ABHD17C: variants seen among roughly 807,000 people sequenced by gnomAD.
ABHD17C encodes abhydrolase domain containing 17C, depalmitoylase, also known as alpha/beta hydrolase domain-containing protein 17C.
Under a neutral mutation model 27.9 loss-of-function variants are expected in ABHD17C, and 11 were observed. That is an observed-to-expected ratio of 0.39 (90% confidence interval 0.25 to 0.65). The LOEUF is 0.65. ABHD17C is among the 30% of genes least tolerant of loss of function. The pLI is 0.45. For missense variants in ABHD17C, 280 were observed against 470.2 expected (o/e 0.60, Z 3.74); for synonymous variants, 233 against 209.1 (o/e 1.11, Z -0.98).
At chr15:80,703,035 A>G (rs1396708431) in intron 1 of ABHD17C, 1 of 152,120 alleles carries the variant, frequency 6.6e-6, no homozygotes, top group Non-Finnish European at 1.5e-5. Context: ...TTCTTTCCCA[A>G]TTTCTGGAGG....
rs555848403 is a variant in ABHD17C, at chr15:80,701,307, C to T, written c.590+5288C>T. ...ACCTAACTTCTTTGTTCTCAGTGTT[C>T]TCAGAGGGAATACTATGATGCCACT... is the stretch of plus-strand genomic sequence containing the variant. On this transcript the variant is annotated intron_variant, in intron 1 of 2. Transcript: ENST00000258884. 4.6e-5 allele frequency among the ~76,000 whole-genome samples: 7 copies of T among 152,146 alleles called. No homozygotes were observed. In the East Asian group the frequency reaches 7.8e-4, roughly 17 times the overall value.
chr15:80,728,912 A>G (rs1443048215), intron 1 of ABHD17C, among the ~76,000 whole-genome samples: 2 of 152,210 alleles, frequency 1.3e-5, no homozygotes, highest in East Asian at 3.9e-4. Flanking sequence ...CGCCCGGCCT[A>G]AAGCACAGAT....
At chr15:80,704,344 G>A (rs377404101) in intron 1 of ABHD17C, among the ~76,000 whole-genome samples, 10 of 151,938 alleles carry the variant, frequency 6.6e-5, no homozygotes, top group African/African-American at 2.2e-4. Context: ...ATTCACACTC[G>A]CTGCACATCA....
At chr15:80,700,597 C>T (rs897436169) in intron 1 of ABHD17C, among the ~76,000 whole-genome samples, 13 of 152,044 alleles carry the variant, frequency 8.6e-5, no homozygotes, top group African/African-American at 3.1e-4. Context: ...TTCATTTGAC[C>T]AGTAAACCAT....
At chr15:80,726,686 G>A (rs1256403793) in intron 1 of ABHD17C, among the ~76,000 whole-genome samples, 1 of 151,496 alleles carries the variant, frequency 6.6e-6, no homozygotes, top group Non-Finnish European at 1.5e-5. Context: ...CGAATTTTTT[G>A]TATTTTTAGT....
intron 1 of ABHD17C, among the ~76,000 whole-genome samples, chr15:80,712,067 G>C (rs187196282): frequency 6.6e-6 from 1 of 152,150 alleles, no homozygotes; most frequent in Non-Finnish European, 1.5e-5. Context: ...CAGACTTCCC[G>C]TTCTCTGTCC....
chr15:80,716,690 T>G (rs1236146208), intron 1 of ABHD17C, among the ~76,000 whole-genome samples: 1 of 152,214 alleles, frequency 6.6e-6, no homozygotes, highest in Non-Finnish European at 1.5e-5. Flanking sequence ...AAGTGGCGTC[T>G]TGTTCATATT....
intron 1 of ABHD17C, among the ~76,000 whole-genome samples, chr15:80,744,444 T>G (rs548730723): frequency 6.6e-6 from 1 of 152,320 alleles, no homozygotes; most frequent in South Asian, 2.1e-4. Context: ...CTCTTACTGT[T>G]CTACTAAAAA....
chr15:80,750,088 G>C (rs1266564655), intron 2 of ABHD17C, among the ~76,000 whole-genome samples: 1 of 152,198 alleles, frequency 6.6e-6, no homozygotes, highest in African/African-American at 2.4e-5. Context: ...GCAACTAGTG[G>C]TGTAGACACT....
At chr15:80,720,325 C>T (rs1894877098) in intron 1 of ABHD17C, among the ~76,000 whole-genome samples, 1 of 151,844 alleles carries the variant, frequency 6.6e-6, no homozygotes, top group Non-Finnish European at 1.5e-5. Context: ...TCTACTTGTT[C>T]TTTCTTGGTT....
chr15:80,731,658 CTT>C (rs71455352), intron 1 of ABHD17C, among the ~76,000 whole-genome samples: 32,923 of 146,900 alleles, frequency 0.22, 4,056 homozygotes, highest in South Asian at 0.31. Flanking sequence ...TTTTTATAAT[CTT>C]TTTTTTTTTT....
At chr15:80,736,808 G>A (rs1372611392) in intron 1 of ABHD17C, among the ~76,000 whole-genome samples, 1 of 152,230 alleles carries the variant, frequency 6.6e-6, no homozygotes, top group Non-Finnish European at 1.5e-5. Flanking sequence ...GATGCAGTGT[G>A]TCTCAGGGAG....
intron 1 of ABHD17C, among the ~76,000 whole-genome samples, chr15:80,722,976 T>G (rs905022049): frequency 2.6e-5 from 4 of 152,224 alleles, no homozygotes; most frequent in Admixed American, 1.3e-4. Context: ...TAACAGTGTT[T>G]AAGCAATGCA....
chr15:80,696,840 A>G (rs1227895280), intron 1 of ABHD17C, among the ~76,000 whole-genome samples: 2 of 152,146 alleles, frequency 1.3e-5, no homozygotes, highest in African/African-American at 4.8e-5. Flanking sequence ...ACTTTTATTC[A>G]CTATTAGACA....
At chr15:80,747,207 C>G (rs893221565) in intron 1 of ABHD17C, among the ~76,000 whole-genome samples, 8 of 152,194 alleles carry the variant, frequency 5.3e-5, no homozygotes. Context: ...GAGGCTCTCT[C>G]TCTCCAGGTG....
chr15:80,754,102 G>T, intron 2 of ABHD17C, 49 bp from the exon 3 acceptor site: 1 of 1,391,662 alleles, frequency 7.2e-7, no homozygotes, highest in South Asian at 1.2e-5. Context: ...TTATCTGTGA[G>T]CATAACTAAT....
chr15:80,710,860 A>G (rs559471073), intron 1 of ABHD17C, among the ~76,000 whole-genome samples: 2 of 152,132 alleles, frequency 1.3e-5, no homozygotes, highest in African/African-American at 4.8e-5. Flanking sequence ...TACAGGCATG[A>G]GCCACCGTGC....
At chr15:80,701,645 C>T (rs1416065006) in intron 1 of ABHD17C, among the ~76,000 whole-genome samples, 1 of 150,332 alleles carries the variant, frequency 6.7e-6, no homozygotes, top group Non-Finnish European at 1.5e-5. Flanking sequence ...TGCCACTGCA[C>T]TCCAGCCTGG....
chr15:80,704,519 C>T (rs981542350), intron 1 of ABHD17C: 1 of 150,556 alleles, frequency 6.6e-6, no homozygotes, highest in African/African-American at 2.4e-5. Context: ...TGCACATGTA[C>T]TGTAAAACTT....
Sources: allele counts gnomAD v4.1 joint callset (sites outside exome capture counted in the v4.1 genomes callset), GRCh38; gene constraint gnomAD v4.1.1; transcripts MANE v1.5; gene names NCBI Gene and HGNC (gene_info 2026-07-23, HGNC 2026-07-21).